MTUS1: variants seen among roughly 807,000 people sequenced by gnomAD.
MTUS1 encodes the protein microtubule-associated tumor suppressor 1.
A neutral mutation model predicts 120.8 loss-of-function variants in MTUS1; 109 were observed. The observed-to-expected ratio is 0.90, with a 90% CI of 0.77 to 1.06. The LOEUF is 1.06. MTUS1 is among the 50% of genes least tolerant of loss of function. The pLI is 0.00. For synonymous variants in MTUS1, 737 were observed against 550.5 expected (o/e 1.34, Z -4.74); for missense variants, 2,210 against 1,486.3 (o/e 1.49, Z -8.01).
intron 3 of MTUS1, among the ~76,000 whole-genome samples, chr8:17,740,263 C>A (rs927083974): frequency 6.6e-6 from 1 of 151,864 alleles, no homozygotes; most frequent in Non-Finnish European, 1.5e-5. Context: ...GGTTTAATTA[C>A]AATTCCTTCT....
chr8:17,682,294 T>A (rs1050527424), intron 7 of MTUS1, among the ~76,000 whole-genome samples: 22 of 152,102 alleles, frequency 1.4e-4, no homozygotes, highest in Non-Finnish European at 2.8e-4. Context: ...GGTGAGCGGA[T>A]CACCTGAGGT....
chr8:17,680,948 T>A (rs914097582), intron 7 of MTUS1, among the ~76,000 whole-genome samples: 6 of 152,002 alleles, frequency 3.9e-5, no homozygotes, highest in African/African-American at 1.4e-4. Context: ...TTTCTTTTTT[T>A]TTTAAGTTGG....
At chr8:17,770,626 G>C (rs1397732334) in intron 1 of MTUS1, 2 of 152,186 alleles carry the variant, frequency 1.3e-5, no homozygotes, top group African/African-American at 4.8e-5. Flanking sequence ...CCTCTCTGGG[G>C]ACTATGATTA....
chr8:17,753,849 C>G lies in MTUS1; in HGVS notation c.1959G>C (p.Met653Ile). ...TCCTATCAATGTTGGGAACATAGGT[C>G]ATTTCCAAACATTCTGCACTTTCCA... is the stretch of plus-strand genomic sequence containing the variant. ...VKMESAECLE[M>I]TYVPNIDRIS... The change falls in exon 2 of 15, where the codon ATG becomes ATC. Residue 653 changes from methionine (M) to isoleucine (I), a missense_variant. Transcript: ENST00000693296. 6.2e-7 allele frequency: 1 copy of G among 1,614,136 alleles called. No individual in the cohort carries two copies. Among genetic ancestry groups the G allele is most frequent in the Non-Finnish European group, 8.5e-7 (1 of 1,179,994 alleles).
chr8:17,743,118 C>T (rs1464783883), intron 3 of MTUS1, among the ~76,000 whole-genome samples: 1 of 152,014 alleles, frequency 6.6e-6, no homozygotes, highest in Non-Finnish European at 1.5e-5. Context: ...TTGTAAGATA[C>T]AAGCCAACAT....
intron 3 of MTUS1, among the ~76,000 whole-genome samples, chr8:17,727,044 C>T (rs1053244486): frequency 7.2e-5 from 11 of 152,246 alleles, no homozygotes; most frequent in Non-Finnish European, 1.0e-4. Flanking sequence ...AAGCTTACCC[C>T]GGCAACCAAA....
chr8:17,697,398 G>C (rs1162231315), intron 6 of MTUS1: 2 of 1,612,690 alleles, frequency 1.2e-6, no homozygotes, highest in Admixed American at 1.7e-5. Flanking sequence ...CAGGTGGCGA[G>C]ATTTCACAGA....
intron 1 of MTUS1, among the ~76,000 whole-genome samples, chr8:17,772,891 G>C (rs894165999): frequency 6.6e-6 from 1 of 152,122 alleles, no homozygotes; most frequent in Non-Finnish European, 1.5e-5. Flanking sequence ...TACTGGCATG[G>C]AAAAGACTTG....
chr8:17,786,232 A>G (rs1428398419), intron 1 of MTUS1, among the ~76,000 whole-genome samples: 1 of 152,114 alleles, frequency 6.6e-6, no homozygotes, highest in Non-Finnish European at 1.5e-5. Context: ...CATCACCAAC[A>G]CACGCACGAG....
intron 2 of MTUS1, among the ~76,000 whole-genome samples, chr8:17,747,283 G>C (rs549216674): frequency 6.6e-6 from 1 of 152,076 alleles, no homozygotes; most frequent in Admixed American, 6.6e-5. Flanking sequence ...CTTCAGCTTT[G>C]TACTCTACCC....
At chr8:17,748,985 T>G (rs2047981059) in intron 2 of MTUS1, among the ~76,000 whole-genome samples, 1 of 152,154 alleles carries the variant, frequency 6.6e-6, no homozygotes, top group Non-Finnish European at 1.5e-5. Context: ...TCCCTTTACA[T>G]TAATGTAAAG....
In MTUS1 at chr8:17,756,487, C is replaced by T. The variant is rs143217312; in HGVS notation, c.-154-526G>A. Among the ~76,000 whole-genome samples the T allele has an allele frequency of 5.7e-4, 86 of 152,086 alleles. 1 individual carries two copies. The highest frequency in any genetic ancestry group is 2.0e-3 in the African/African-American group (84 of 41,492). ...CAGCTGAAGATCAATCAAGAACTCA[C>T]GTTTCTCCTTTGTTTTTATTCCTAT... On this transcript the variant is annotated intron_variant, in intron 1 of 14. Coordinates refer to ENST00000693296, the MANE Select transcript of MTUS1 (RefSeq NM_001363059.2).
intron 3 of MTUS1, among the ~76,000 whole-genome samples, chr8:17,742,492 C>T (rs1374310821): frequency 1.3e-5 from 2 of 151,828 alleles, no homozygotes; most frequent in Non-Finnish European, 2.9e-5. Flanking sequence ...ACTCTTTCTC[C>T]CAATGGCTTT....
Position 17,743,665 on chromosome 8 carries a change from A to G in MTUS1, c.2226T>C (p.Asn742=), listed in dbSNP as rs756721415. Residue 742 remains asparagine (N), a synonymous_variant, in exon 3 of 15, where the codon AAT becomes AAC. Transcript: ENST00000693296. ...PVSCLRRNSD[N]RNPSADRAVS... Reference sequence around the variant, plus strand: ...CGGCTCGATCAGCACTGGGATTTCTATTGTCACTGTTCCGCCTCAAACAGG... The same window carrying G: ...CGGCTCGATCAGCACTGGGATTTCTGTTGTCACTGTTCCGCCTCAAACAGG... 1.7e-5 allele frequency: 28 copies of G among 1,613,944 alleles called. No individual in the cohort carries two copies. The highest frequency in any genetic ancestry group is 1.7e-4 in the Middle Eastern group (1 of 6,014).
intron 3 of MTUS1, among the ~76,000 whole-genome samples, chr8:17,725,365 C>A (rs1373686368): frequency 6.6e-6 from 1 of 152,178 alleles, no homozygotes; most frequent in African/African-American, 2.4e-5. Context: ...TTTGAAATTA[C>A]CACATTAAGC....
intron 13 of MTUS1, among the ~76,000 whole-genome samples, chr8:17,647,443 C>T (rs1249647925): frequency 2.0e-5 from 3 of 148,954 alleles, no homozygotes; most frequent in Non-Finnish European, 4.4e-5. Flanking sequence ...TATCTCCTTA[C>T]GGTGAATTTT....
chr8:17,719,713 TCCACTAACCAGTGTTGG>T (rs1252420828), intron 4 of MTUS1, among the ~76,000 whole-genome samples: 23 of 152,100 alleles, frequency 1.5e-4, no homozygotes, highest in Non-Finnish European at 2.4e-4. Flanking sequence ...CGAATTCTTA[TCCACTAACCAGTGTTGG>T]CCACTAACCA....
At chr8:17,665,830 A>G (rs1342759884) in intron 8 of MTUS1, among the ~76,000 whole-genome samples, 1 of 152,164 alleles carries the variant, frequency 6.6e-6, no homozygotes, top group Non-Finnish European at 1.5e-5. Flanking sequence ...AAAGATTCCA[A>G]GATAAGGCAG....
chr8:17,686,571 G>C lies in MTUS1; in HGVS notation c.2624-2029C>G, dbSNP rs576065433. Among the ~76,000 whole-genome samples the C allele has an allele frequency of 3.2e-3, 493 of 152,172 alleles. 4 individuals carry two copies. The highest frequency in any genetic ancestry group is 0.011 in the African/African-American group (452 of 41,518). On this transcript the variant is annotated intron_variant, in intron 6 of 14. Transcript: ENST00000693296. The stretch of plus-strand genomic sequence containing the variant: ...ATTGATAACTCCTTTATCATTTCCT[G>C]AGTCCTGAGTAACATTTGCCTCTCT...
Sources: allele counts gnomAD v4.1 joint callset (sites outside exome capture counted in the v4.1 genomes callset), GRCh38; gene constraint gnomAD v4.1.1; transcripts MANE v1.5; gene names NCBI Gene and HGNC (gene_info 2026-07-23, HGNC 2026-07-21).